SMG6: variants seen among roughly 807,000 people sequenced by gnomAD.
The protein encoded by SMG6 is SMG6 nonsense mediated mRNA decay factor.
In SMG6, 66 loss-of-function variants were observed where a neutral mutation model predicts 142.2. That is an observed-to-expected ratio of 0.46 (90% confidence interval 0.38 to 0.57). The LOEUF (loss-of-function observed/expected upper bound fraction) is 0.57, where lower values mean the gene tolerates loss of function less well. Ranked by LOEUF, SMG6 falls within the 20% of genes least tolerant of loss-of-function variation. The pLI is 0.00. For synonymous variants in SMG6, 779 were observed against 702.4 expected, an observed-to-expected ratio of 1.11 and a Z score of -1.72; for missense variants, 1,793 against 1,832.0, an observed-to-expected ratio of 0.98 and a Z score of 0.39.
At chr17:2,199,686 C>G (rs1386594633) in intron 10 of SMG6, 5 of 151,896 alleles carry the variant, frequency 3.3e-5, no homozygotes, top group African/African-American at 1.2e-4. Context: ...CGGATGATCA[C>G]TTGAGGCCAG....
In SMG6 at chr17:2,298,915, G is replaced by A. The variant is rs772959368; in HGVS notation, c.1838C>T (p.Ala613Val). ...ATAGACCACATCATACCTGAGTTGC[G>A]CCATCTTCTCCAGGCCCTCCGGACT... ...RISPEGLEKM[A>V]QLRAELLQLY... The change falls in exon 2 of 19, where the codon GCG becomes GTG. Residue 613 changes from alanine (A) to valine (V), a missense_variant. Physicochemically the swap from Ala to Val is moderately conservative, Grantham distance 64. This residue lies in a region of SMG6 where 1,597 missense variants were observed against 1,584.6 expected (regional missense o/e 1.01). Transcript: ENST00000263073. 5.0e-6 allele frequency: 8 copies of A among 1,612,596 alleles called. No individual in the cohort carries two copies. Among genetic ancestry groups the A allele is most frequent in the South Asian group, 4.4e-5 (4 of 90,902 alleles).
In SMG6 at chr17:2,068,799, T is replaced by C. The variant is rs752316287; in HGVS notation, c.3814A>G (p.Ile1272Val). 1.2e-6 allele frequency: 2 copies of C among 1,614,156 alleles called. No individual in the cohort carries two copies. The highest frequency in any genetic ancestry group is 1.1e-5 in the South Asian group (1 of 91,084). The change falls in exon 16 of 19, where the codon ATC (isoleucine) becomes GTC (valine). Residue 1272 changes from isoleucine to valine, a missense_variant. This residue lies in a region of SMG6 where 179 missense variants were observed against 212.6 expected (regional missense o/e 0.84). Coordinates refer to ENST00000263073, the MANE Select transcript of SMG6 (RefSeq NM_017575.5). This position sits in a 1 kb window ranked among gnomAD's most constrained non-coding sequence, Gnocchi z 6.7. ...TCACCGATGAGGGGCACCACCAGGATGTACTTCCTGCTCTCCAGCAGCCGC... is the reference window on the plus strand; with the variant it reads ...TCACCGATGAGGGGCACCACCAGGACGTACTTCCTGCTCTCCAGCAGCCGC... ...LARLLESRKY[I>V]LVVPLIVINE...
chr17:2,296,221 C>T (rs1168025626), intron 4 of SMG6, among the ~76,000 whole-genome samples: 1 of 152,196 alleles, frequency 6.6e-6, no homozygotes, highest in Non-Finnish European at 1.5e-5. Context: ...GCTTTTCCAC[C>T]TACAATAGCC....
chr17:2,301,930 A>G (rs2075287379), intron 1 of SMG6, among the ~76,000 whole-genome samples: 1 of 152,148 alleles, frequency 6.6e-6, no homozygotes, highest in African/African-American at 2.4e-5. Context: ...GGAGAATATT[A>G]TCAAGTACAC....
chr17:2,266,096 C>T (rs1461505220), intron 8 of SMG6: 2 of 985,252 alleles, frequency 2.0e-6, no homozygotes, highest in African/African-American at 3.5e-5. Flanking sequence ...ACTTTCTGTT[C>T]ACCATGCGTG....
Position 2,268,708 on chromosome 17 carries a change from G to A in SMG6, c.2661+13939C>T, listed in dbSNP as rs775378011. On this transcript the variant is annotated intron_variant, in intron 8 of 18. Coordinates refer to ENST00000263073, the MANE Select transcript of SMG6 (RefSeq NM_017575.5). Reference sequence around the variant, plus strand: ...GGGCGGATCACAAGGTAAGGAGATCGAGACCATCCTGGCTAATATGGTGAA... The same window carrying A: ...GGGCGGATCACAAGGTAAGGAGATCAAGACCATCCTGGCTAATATGGTGAA... Among the ~76,000 whole-genome samples the A allele has an allele frequency of 7.2e-5, 11 of 152,040 alleles. No individual in the cohort carries two copies. The South Asian group carries it at 8.3e-4, about 11-fold the overall frequency.
chr17:2,099,186 G>A (rs934635515), intron 13 of SMG6, among the ~76,000 whole-genome samples: 5 of 152,048 alleles, frequency 3.3e-5, no homozygotes, highest in African/African-American at 7.2e-5. Flanking sequence ...GAGGTGGTGC[G>A]GCCATACTGC....
At chr17:2,271,374 A>T (rs1249479814) in intron 8 of SMG6, among the ~76,000 whole-genome samples, 2 of 149,536 alleles carry the variant, frequency 1.3e-5, no homozygotes, top group Non-Finnish European at 3.0e-5. Flanking sequence ...TACAGGTGTG[A>T]GCCACCATGC....
At chr17:2,301,517 A>T (rs1300578124) in intron 1 of SMG6, among the ~76,000 whole-genome samples, 1 of 152,210 alleles carries the variant, frequency 6.6e-6, no homozygotes, top group Non-Finnish European at 1.5e-5. Context: ...AACAACTGGG[A>T]ACTCAAGAAT....
At chr17:2,125,548 C>T (rs2069845361) in intron 13 of SMG6, among the ~76,000 whole-genome samples, 1 of 152,198 alleles carries the variant, frequency 6.6e-6, no homozygotes, top group African/African-American at 2.4e-5. Flanking sequence ...AATTGGAAGA[C>T]TTAATATTGT....
At chr17:2,281,817 T>G (rs1384615740) in intron 8 of SMG6, among the ~76,000 whole-genome samples, 1 of 152,148 alleles carries the variant, frequency 6.6e-6, no homozygotes, top group African/African-American at 2.4e-5. Context: ...CCACTGCAGT[T>G]TTCCACCTAC....
intron 10 of SMG6, among the ~76,000 whole-genome samples, chr17:2,192,883 A>G (rs1241875641): frequency 6.6e-6 from 1 of 152,248 alleles, no homozygotes; most frequent in Non-Finnish European, 1.5e-5. Context: ...AAAATCTCAG[A>G]GCAAAAGCAG....
Position 2,294,706 on chromosome 17 carries a change from C to A in SMG6, c.2152-1729G>T, listed in dbSNP as rs552330262. On this transcript the variant is annotated intron_variant, in intron 4 of 18. Coordinates refer to ENST00000263073, the MANE Select transcript of SMG6 (RefSeq NM_017575.5). ...CTAGGTTAACCCTTTACAGTATACA[C>A]CCCCAACATCCTTGGCAAAAGTCAC... 7.9e-5 allele frequency among the ~76,000 whole-genome samples: 12 copies of A among 152,240 alleles called. 1 individual carries two copies. The East Asian group carries it at 2.1e-3, about 27-fold the overall frequency.
intron 13 of SMG6, among the ~76,000 whole-genome samples, chr17:2,146,860 A>G (rs1009339695): frequency 2.0e-5 from 3 of 152,144 alleles, no homozygotes; most frequent in African/African-American, 4.8e-5. Context: ...GCCACCACGC[A>G]TGGCCTAAAT....
chr17:2,144,416 G>A (rs1008799421), intron 13 of SMG6, among the ~76,000 whole-genome samples: 7 of 151,962 alleles, frequency 4.6e-5, no homozygotes, highest in Admixed American at 1.3e-4. Flanking sequence ...CATGTTTCCC[G>A]GGCGGGTCTG....
intron 10 of SMG6, among the ~76,000 whole-genome samples, chr17:2,223,149 A>G (rs1327967274): frequency 1.3e-5 from 2 of 152,074 alleles, no homozygotes; most frequent in Non-Finnish European, 2.9e-5. Flanking sequence ...GGCAGGCATT[A>G]TAAGATCTTT....
chr17:2,162,717 A>ACC (rs2071221138), intron 13 of SMG6, among the ~76,000 whole-genome samples: 1 of 152,120 alleles, frequency 6.6e-6, no homozygotes, highest in South Asian at 2.1e-4. Context: ...TCATCCATCT[A>ACC]CCTATCAGCC....
chr17:2,233,986 C>G (rs76788225), intron 10 of SMG6, among the ~76,000 whole-genome samples: 1 of 152,186 alleles, frequency 6.6e-6, no homozygotes, highest in Non-Finnish European at 1.5e-5. Context: ...CCTCTGAACA[C>G]CTCAACCCAT....
At chr17:2,229,238 A>T (rs910494830) in intron 10 of SMG6, 1 of 152,202 alleles carries the variant, frequency 6.6e-6, no homozygotes, top group African/African-American at 2.4e-5. Context: ...TTGCCCAAAC[A>T]ACAACCTTCT....
Sources: gnomAD v4.1 joint callset for allele counts (sites outside exome capture counted in the v4.1 genomes callset) on GRCh38, gnomAD v4.1.1 for gene constraint, gnomAD v4.1.1 regional missense constraint, Gnocchi (gnomAD v3.1) non-coding constraint, MANE v1.5 for transcripts, NCBI Gene and HGNC (gene_info 2026-07-23, HGNC 2026-07-21) for gene names.